The following TMCO4 variants were observed in gnomAD, a reference collection of about 807,000 sequenced individuals.
TMCO4 encodes the protein transmembrane and coiled-coil domain-containing protein 4.
A neutral mutation model predicts 64.7 loss-of-function variants in TMCO4; 58 were observed. The observed-to-expected ratio is 0.90, with a 90% CI of 0.73 to 1.12. The LOEUF (loss-of-function observed/expected upper bound fraction) is 1.12. TMCO4 is among the 50% of genes most tolerant of loss of function. The pLI is 0.00. For synonymous variants in TMCO4, 325 were observed against 346.1 expected, an observed-to-expected ratio of 0.94 and a Z score of 0.68; for missense variants, 780 against 825.9, an observed-to-expected ratio of 0.94 and a Z score of 0.68.
intron 13 of TMCO4, among the ~76,000 whole-genome samples, chr1:19,717,134 C>T (rs1213534233): frequency 2.0e-5 from 3 of 152,240 alleles, no homozygotes; most frequent in Non-Finnish European, 2.9e-5. Flanking sequence ...TGCAGTGACC[C>T]GAGATTGTGC....
chr1:19,796,990 T>C (rs1183987353), intron 2 of TMCO4, among the ~76,000 whole-genome samples: 1 of 152,216 alleles, frequency 6.6e-6, no homozygotes, highest in Non-Finnish European at 1.5e-5. Flanking sequence ...TCACAATCCC[T>C]GATACATCCT....
At chr1:19,750,194 T>C (rs2041966100) in intron 7 of TMCO4, 2 of 152,240 alleles carry the variant, frequency 1.3e-5, no homozygotes, top group African/African-American at 2.4e-5. Context: ...TGACCCTTAA[T>C]TGATAACTCT....
intron 2 of TMCO4, among the ~76,000 whole-genome samples, chr1:19,787,564 T>C (rs554973873): frequency 6.6e-6 from 1 of 152,176 alleles, no homozygotes; most frequent in South Asian, 2.1e-4. Flanking sequence ...GATTTTCCTA[T>C]ATTTCTCCCT....
chr1:19,760,244 T>C (rs973904171), intron 6 of TMCO4, among the ~76,000 whole-genome samples: 8 of 151,884 alleles, frequency 5.3e-5, no homozygotes, highest in Non-Finnish European at 1.0e-4. Flanking sequence ...CAAGCAATCC[T>C]CCCACCTTGG....
intron 14 of TMCO4, 134 bp downstream of exon 14, chr1:19,700,634 G>A (rs568597181): frequency 1.3e-4 from 112 of 842,124 alleles, no homozygotes; most frequent in Middle Eastern, 7.2e-4. Flanking sequence ...TAACAGGGCC[G>A]GTGCCCGGCC....
rs750555660 is a variant in TMCO4 at position 19,751,247 on chromosome 1, A to T, written c.516-3987T>A. Among the ~76,000 whole-genome samples the T allele has an allele frequency of 6.6e-5, 10 of 152,242 alleles. 1 individual carries two copies. The highest frequency in any genetic ancestry group is 2.4e-4 in the African/African-American group (10 of 41,544). ...CCTTGCTGCGGTGATATACTCCCCT[A>T]CTCACTGTCCACATCTCTGAAAACC... On this transcript the variant is annotated intron_variant, in intron 7 of 15. Coordinates refer to ENST00000294543, the MANE Select transcript of TMCO4 (RefSeq NM_181719.7).
intron 13 of TMCO4, among the ~76,000 whole-genome samples, chr1:19,722,625 TTATA>T (rs766571781): frequency 8.8e-5 from 13 of 147,668 alleles, no homozygotes; most frequent in Non-Finnish European, 1.9e-4. Context: ...TGCATATACT[TTATA>T]GTTTAGGAGT....
intron 13 of TMCO4, among the ~76,000 whole-genome samples, chr1:19,720,147 C>A (rs1324052318): frequency 2.6e-5 from 4 of 151,334 alleles, no homozygotes; most frequent in African/African-American, 9.7e-5. Flanking sequence ...CCAGGTCTGG[C>A]CCTGATTAAA....
intron 13 of TMCO4, among the ~76,000 whole-genome samples, chr1:19,704,446 T>G (rs1291528519): frequency 6.6e-6 from 1 of 152,254 alleles, no homozygotes; most frequent in Non-Finnish European, 1.5e-5. Flanking sequence ...AGAATAAGCC[T>G]GGGAGCAGAA....
At chr1:19,738,439 C>T (rs2095465337) in intron 12 of TMCO4, 1 of 152,250 alleles carries the variant, frequency 6.6e-6, no homozygotes, top group African/African-American at 2.4e-5. Flanking sequence ...AAAGGGGATC[C>T]TCCCTAAGGC....
At chr1:19,776,722 T>C (rs2101049346) in intron 4 of TMCO4, among the ~76,000 whole-genome samples, 1 of 152,100 alleles carries the variant, frequency 6.6e-6, no homozygotes, top group Middle Eastern at 3.4e-3. Context: ...TCTCCCATGA[T>C]GGAGGTTGAA....
chr1:19,705,888 G>A (rs146603323), intron 13 of TMCO4, among the ~76,000 whole-genome samples: 13 of 152,002 alleles, frequency 8.6e-5, no homozygotes, highest in South Asian at 2.1e-4. Flanking sequence ...ATCCTCACTC[G>A]GGTACCACTT....
intron 2 of TMCO4, among the ~76,000 whole-genome samples, chr1:19,792,731 T>TC (rs1316198585): frequency 4.0e-5 from 6 of 149,068 alleles, no homozygotes; most frequent in African/African-American, 1.5e-4. Flanking sequence ...GCCTTTCTTT[T>TC]CCCCCTTGGA....
At chr1:19,698,024 C>T (rs1304503808) in intron 14 of TMCO4, among the ~76,000 whole-genome samples, 1 of 152,144 alleles carries the variant, frequency 6.6e-6, no homozygotes, top group African/African-American at 2.4e-5. Context: ...GCAGAGAGCT[C>T]CCTGAGGGCA....
chr1:19,718,076 T>C (rs943900585), intron 13 of TMCO4, among the ~76,000 whole-genome samples: 3 of 152,104 alleles, frequency 2.0e-5, no homozygotes, highest in Admixed American at 6.6e-5. Flanking sequence ...CTCATGCCTA[T>C]AATTGTAGCA....
At chr1:19,798,851 G>A (rs2044463212) in intron 1 of TMCO4, among the ~76,000 whole-genome samples, 2 of 152,348 alleles carry the variant, frequency 1.3e-5, no homozygotes, top group East Asian at 3.9e-4. Context: ...CACAGTAGGT[G>A]CTCAACAAAT....
intron 1 of TMCO4, chr1:19,799,071 G>A (rs2044473684): frequency 6.6e-6 from 1 of 152,386 alleles, no homozygotes; most frequent in African/African-American, 2.4e-5. Flanking sequence ...AGGCATTGTG[G>A]AGGCCAACTC....
chr1:19,745,902 G>C (rs2041757462), intron 9 of TMCO4, among the ~76,000 whole-genome samples: 1 of 152,186 alleles, frequency 6.6e-6, no homozygotes, highest in Non-Finnish European at 1.5e-5. Context: ...TCAGAGCCCA[G>C]GCTCTCACCC....
chr1:19,787,273 C>T (rs1257331165), intron 2 of TMCO4, among the ~76,000 whole-genome samples, 156 bp from the exon 3 acceptor site: 3 of 152,226 alleles, frequency 2.0e-5, no homozygotes, highest in Admixed American at 6.5e-5. Flanking sequence ...CGTTCCTTGA[C>T]GTGGGGTGCT....
Sources: allele counts gnomAD v4.1 joint callset (sites outside exome capture counted in the v4.1 genomes callset), GRCh38; gene constraint gnomAD v4.1.1; transcripts MANE v1.5; gene names NCBI Gene and HGNC (gene_info 2026-07-23, HGNC 2026-07-21).